ARHGEF38: variants seen among roughly 807,000 people sequenced by gnomAD.
The protein encoded by ARHGEF38 is Rho guanine nucleotide exchange factor 38.
In ARHGEF38, 79 loss-of-function variants were observed where a neutral mutation model predicts 79.9. The ratio of observed to expected loss-of-function variants is 0.99; its 90% CI spans 0.82 to 1.19. The LOEUF (loss-of-function observed/expected upper bound fraction) is 1.19, where lower values mean the gene tolerates loss of function less well. Among genes scored for constraint, ARHGEF38 ranks in the 50% most tolerant of loss-of-function variants. The pLI is 0.00. For synonymous variants in ARHGEF38, 366 were observed against 328.3 expected (o/e 1.11, Z -1.24); for missense variants, 962 against 907.2 (o/e 1.06, Z -0.78).
chr4:105,600,083 A>C (rs1727757770), intron 2 of ARHGEF38, among the ~76,000 whole-genome samples: 1 of 152,184 alleles, frequency 6.6e-6, no homozygotes, highest in Admixed American at 6.6e-5. Flanking sequence ...ATGCAAATTA[A>C]AAGATTAAAT....
Position 105,677,709 on chromosome 4 carries a change from T to G in ARHGEF38, c.2149-43T>G, listed in dbSNP as rs1380964850. ...AACTTTTATGATGTTTCTCTTAATA[T>G]TCAGGTTCCAATTCCAATAATGTCT... On this transcript the variant is annotated intron_variant, in intron 13 of 13. Coordinates refer to ENST00000420470, the MANE Select transcript of ARHGEF38 (RefSeq NM_001242729.2). 3.7e-6 allele frequency: 5 copies of G among 1,360,202 alleles called. No homozygotes were observed. The Admixed American group carries it at 1.5e-4, about 40-fold the overall frequency. 84.3% of individuals were successfully genotyped at this position (1,360,202 alleles called of 1,614,324 possible). A position where few individuals can be genotyped will look rare whatever the true frequency, so the allele number is the denominator to read the frequency against.
chr4:105,557,473 G>A (rs1725305628), intron 1 of ARHGEF38, among the ~76,000 whole-genome samples: 1 of 151,884 alleles, frequency 6.6e-6, no homozygotes, highest in South Asian at 2.1e-4. Flanking sequence ...TGGACTGAAT[G>A]TTTGTATTCC....
intron 6 of ARHGEF38, among the ~76,000 whole-genome samples, chr4:105,646,842 T>A (rs111986677): frequency 7.9e-5 from 12 of 151,660 alleles, no homozygotes; most frequent in Middle Eastern, 3.4e-3. Context: ...GTTTTTTTTT[T>A]AAAGTAAATT....
chr4:105,630,546 T>G (rs1578328239), intron 3 of ARHGEF38, among the ~76,000 whole-genome samples: 1 of 152,276 alleles, frequency 6.6e-6, no homozygotes, highest in East Asian at 1.9e-4. Flanking sequence ...CTGGCCACAC[T>G]GCAACTCTTA....
intron 2 of ARHGEF38, among the ~76,000 whole-genome samples, chr4:105,611,935 A>G (rs1728312255): frequency 6.6e-6 from 1 of 152,126 alleles, no homozygotes; most frequent in Non-Finnish European, 1.5e-5. Context: ...AGGATGAATG[A>G]TGGGAAAGTG....
At chr4:105,633,190 C>A (rs1376089758) in intron 4 of ARHGEF38, 1 of 152,226 alleles carries the variant, frequency 6.6e-6, no homozygotes, top group East Asian at 1.9e-4. Flanking sequence ...AGTATTGGCA[C>A]AACTATTTCT....
intron 1 of ARHGEF38, among the ~76,000 whole-genome samples, chr4:105,576,407 CTTT>C (rs35502329): frequency 3.7e-4 from 48 of 128,328 alleles, no homozygotes; most frequent in Admixed American, 5.4e-4. Flanking sequence ...TTCTTTTCTT[CTTT>C]TTTTTTTTTT....
chr4:105,632,111 G>A (rs922713017), intron 4 of ARHGEF38, among the ~76,000 whole-genome samples: 1 of 152,188 alleles, frequency 6.6e-6, no homozygotes, highest in Non-Finnish European at 1.5e-5. Context: ...CTACTCTGGA[G>A]GAGGCGTTTC....
intron 5 of ARHGEF38, among the ~76,000 whole-genome samples, chr4:105,639,934 G>A (rs1026433094): frequency 6.6e-6 from 1 of 151,916 alleles, no homozygotes; most frequent in Non-Finnish European, 1.5e-5. Context: ...TGCAAGATTT[G>A]TCAAGAAAAA....
At chr4:105,589,550 A>G (rs1727224421) in intron 2 of ARHGEF38, 115 bp downstream of exon 2, 1 of 911,308 alleles carries the variant, frequency 1.1e-6, no homozygotes, top group Admixed American at 2.8e-5. Context: ...TCTCCCCAAA[A>G]CAGCACTGTT....
At chr4:105,655,506 T>C in intron 8 of ARHGEF38, 97 bp from the exon 9 acceptor site, 3 of 1,240,802 alleles carry the variant, frequency 2.4e-6, no homozygotes, top group East Asian at 2.6e-5. Flanking sequence ...CTCTCAGTGA[T>C]AATTAAGGGT....
At position 105,659,073 on chromosome 4, in the gene ARHGEF38, T is replaced by A. The variant is rs557583930; in HGVS notation, c.1253T>A (p.Leu418His). Residue 418 changes from leucine to histidine, a missense_variant, in exon 10 of 14, where the codon CTC becomes CAC. Leu to His is a moderately conservative substitution (Grantham distance 99). Coordinates refer to ENST00000420470, the MANE Select transcript of ARHGEF38 (RefSeq NM_001242729.2). ...CHDFASHLQR[L>H]ILTPLSALLS... Reference sequence around the variant, plus strand: ...TGGCAGGCATCTCACTTACAGAGACTCATCCTGACCCCCTTGTCAGCCCTG... The same window carrying A: ...TGGCAGGCATCTCACTTACAGAGACACATCCTGACCCCCTTGTCAGCCCTG... 87 of 1,535,534 alleles carry A rather than the reference T, an allele frequency of 5.7e-5. No individual in the cohort carries two copies. The African/African-American group carries it at 9.4e-4, about 17-fold the overall frequency.
At chr4:105,648,789 G>T in intron 7 of ARHGEF38, 107 bp downstream of exon 7, 13 of 1,104,540 alleles carry the variant, frequency 1.2e-5, no homozygotes, top group South Asian at 5.5e-5. Context: ...TGAGAATCAA[G>T]GTAATTGCCC....
At chr4:105,618,275 A>C (rs1207152675) in intron 3 of ARHGEF38, among the ~76,000 whole-genome samples, 4 of 152,336 alleles carry the variant, frequency 2.6e-5, no homozygotes, top group African/African-American at 9.6e-5. Flanking sequence ...AATATCAATG[A>C]GTTCTTGCTG....
At chr4:105,656,783 T>TC (rs1209331040) in intron 9 of ARHGEF38, among the ~76,000 whole-genome samples, 2 of 151,912 alleles carry the variant, frequency 1.3e-5, no homozygotes, top group African/African-American at 4.8e-5. Flanking sequence ...CTCAGTAACA[T>TC]CCCCTCACAT....
chr4:105,576,552 T>G (rs2110432435), intron 1 of ARHGEF38, among the ~76,000 whole-genome samples: 1 of 152,300 alleles, frequency 6.6e-6, no homozygotes, highest in South Asian at 2.1e-4. Context: ...AATTTGTTTA[T>G]CAAATCTAAG....
chr4:105,623,864 C>A, intron 3 of ARHGEF38, among the ~76,000 whole-genome samples: 1 of 152,162 alleles, frequency 6.6e-6, no homozygotes, highest in East Asian at 1.9e-4. Context: ...CCCACTAGCA[C>A]CCCCCAGTTT....
chr4:105,587,522 A>G (rs926699853), intron 1 of ARHGEF38, among the ~76,000 whole-genome samples: 1 of 152,150 alleles, frequency 6.6e-6, no homozygotes, highest in African/African-American at 2.4e-5. Context: ...GTGCAGTGGC[A>G]CGATCTCGGC....
intron 7 of ARHGEF38, among the ~76,000 whole-genome samples, chr4:105,653,045 C>G (rs1387826567): frequency 1.3e-5 from 2 of 152,108 alleles, no homozygotes; most frequent in Non-Finnish European, 2.9e-5. Flanking sequence ...CAGATTTTGC[C>G]AGGATGAGGC....
Sources: gnomAD v4.1 joint callset for allele counts (sites outside exome capture counted in the v4.1 genomes callset) on GRCh38, gnomAD v4.1.1 for gene constraint, MANE v1.5 for transcripts, NCBI Gene and HGNC (gene_info 2026-07-23, HGNC 2026-07-21) for gene names.